Variants in VTI1A observed in about 807,000 individuals in gnomAD.
VTI1A encodes vesicle transport through interaction with t-SNAREs homolog 1A.
VTI1A carries 22 observed loss-of-function variants against 34.9 expected under a neutral mutation model. The ratio of observed to expected loss-of-function variants is 0.63; its 90% CI spans 0.45 to 0.90. VTI1A has a LOEUF of 0.90. VTI1A is among the 40% of genes least tolerant of loss of function. VTI1A has a pLI of 0.00. For synonymous variants in VTI1A, 87 were observed against 97.3 expected, an observed-to-expected ratio of 0.89 and a Z score of 0.62; for missense variants, 268 against 275.6, an observed-to-expected ratio of 0.97 and a Z score of 0.20.
the VTI1A span, among the ~76,000 whole-genome samples, chr10:112,848,608 A>T: frequency 6.6e-6 from 1 of 152,200 alleles, no homozygotes; most frequent in East Asian, 1.9e-4. Context: ...TTTTCTGTGG[A>T]TAAGGTCTCC....
intron 4 of VTI1A, among the ~76,000 whole-genome samples, chr10:112,537,311 G>GTATATATATAGATATATATATA: frequency 1.5e-5 from 1 of 65,276 alleles, no homozygotes; most frequent in South Asian, 4.8e-4. Flanking sequence ...AAGTATCTAG[G>GTATATATATAGATATATATATA]TATATATATA....
the VTI1A span, among the ~76,000 whole-genome samples, chr10:112,839,192 G>A: frequency 6.6e-6 from 1 of 152,336 alleles, no homozygotes; most frequent in South Asian, 2.1e-4. Context: ...GGTATTTCCT[G>A]AGCCCTGGCA....
intron 5 of VTI1A, among the ~76,000 whole-genome samples, chr10:112,630,735 C>T (rs906766118): frequency 6.6e-6 from 1 of 152,116 alleles, no homozygotes; most frequent in Non-Finnish European, 1.5e-5. Flanking sequence ...TCTTTTTCAG[C>T]CTGCAATCAA....
chr10:112,539,091 A>T (rs148079085), intron 5 of VTI1A, among the ~76,000 whole-genome samples: 7 of 152,322 alleles, frequency 4.6e-5, no homozygotes, highest in African/African-American at 1.4e-4. Context: ...CTTAGTAGTC[A>T]TCAGTTTCTT....
chr10:112,569,752 T>A (rs1441434423), intron 5 of VTI1A, among the ~76,000 whole-genome samples: 3 of 152,174 alleles, frequency 2.0e-5, no homozygotes, highest in Non-Finnish European at 4.4e-5. Context: ...AAAACACAGC[T>A]TCCTGGGTGC....
At chr10:112,803,551 G>A (rs974503365) in intron 7 of VTI1A, among the ~76,000 whole-genome samples, 3 of 152,220 alleles carry the variant, frequency 2.0e-5, no homozygotes, top group African/African-American at 7.2e-5. Flanking sequence ...GCCGCAGATG[G>A]CTGACCCTGG....
At chr10:112,510,147 A>G (rs1191696018) in intron 3 of VTI1A, among the ~76,000 whole-genome samples, 3 of 152,200 alleles carry the variant, frequency 2.0e-5, no homozygotes, top group Non-Finnish European at 4.4e-5. Flanking sequence ...TGTCTACCTG[A>G]AAGTGTGTAT....
chr10:112,488,595 T>C (rs1039989391), intron 3 of VTI1A, among the ~76,000 whole-genome samples: 4 of 152,230 alleles, frequency 2.6e-5, no homozygotes, highest in African/African-American at 9.6e-5. Context: ...GTATTCAGCG[T>C]TACTTCCAGT....
chr10:112,613,633 A>G (rs1845403969), intron 5 of VTI1A, among the ~76,000 whole-genome samples: 1 of 152,232 alleles, frequency 6.6e-6, no homozygotes, highest in Admixed American at 6.5e-5. Context: ...TAAGTGTCAC[A>G]TATCCTTAAC....
At chr10:112,452,471 G>A (rs1241063516) in intron 1 of VTI1A, among the ~76,000 whole-genome samples, 1 of 151,804 alleles carries the variant, frequency 6.6e-6, no homozygotes, top group African/African-American at 2.4e-5. Context: ...AGGAGGCTGA[G>A]GCAGGAGAAT....
chr10:112,820,517 G>A (rs957056739), downstream of VTI1A, among the ~76,000 whole-genome samples: 3 of 152,248 alleles, frequency 2.0e-5, no homozygotes, highest in Admixed American at 2.0e-4. Flanking sequence ...GCAGTCAGGT[G>A]GCTCTCAGCC....
intron 3 of VTI1A, among the ~76,000 whole-genome samples, chr10:112,479,340 G>A (rs1848387575): frequency 6.6e-6 from 1 of 152,070 alleles, no homozygotes; most frequent in African/African-American, 2.4e-5. Flanking sequence ...CAGAACCAAG[G>A]ACTTTCTAAC....
intron 7 of VTI1A, among the ~76,000 whole-genome samples, chr10:112,807,534 A>T (rs1180174790): frequency 6.6e-6 from 1 of 152,050 alleles, no homozygotes; most frequent in Admixed American, 6.6e-5. Flanking sequence ...GGGCCACCCT[A>T]AATCTGGAAT....
chr10:112,593,963 G>A (rs543197506), intron 5 of VTI1A, among the ~76,000 whole-genome samples: 3 of 152,014 alleles, frequency 2.0e-5, no homozygotes, highest in Non-Finnish European at 1.5e-5. Flanking sequence ...AGGCTGGAGT[G>A]CAGTGGCGCT....
At chr10:112,461,910 T>C (rs1341133443) in intron 2 of VTI1A, among the ~76,000 whole-genome samples, 1 of 152,118 alleles carries the variant, frequency 6.6e-6, no homozygotes, top group African/African-American at 2.4e-5. Flanking sequence ...GAGAGGGGGT[T>C]TTGTCATGTT....
intron 7 of VTI1A, among the ~76,000 whole-genome samples, chr10:112,693,943 T>C (rs1848694966): frequency 6.6e-6 from 1 of 152,178 alleles, no homozygotes; most frequent in African/African-American, 2.4e-5. Context: ...GCTCGGTGGC[T>C]CACCCCTGTA....
chr10:112,691,808 G>A (rs758901489), intron 7 of VTI1A, among the ~76,000 whole-genome samples: 1 of 152,156 alleles, frequency 6.6e-6, no homozygotes, highest in East Asian at 1.9e-4. Flanking sequence ...TCTAGTCAAA[G>A]TGACATGGTA....
chr10:112,819,442 T>G (rs1853610075), downstream of VTI1A, among the ~76,000 whole-genome samples: 1 of 152,032 alleles, frequency 6.6e-6, no homozygotes, highest in South Asian at 2.1e-4. Context: ...CCCCTTTGGC[T>G]GGGTGTGTTG....
intron 5 of VTI1A, among the ~76,000 whole-genome samples, chr10:112,555,513 G>C (rs1185268375): frequency 6.6e-6 from 1 of 151,934 alleles, no homozygotes; most frequent in Non-Finnish European, 1.5e-5. Context: ...CTTCATAATG[G>C]TGATTTCCTG....
Sources: allele counts gnomAD v4.1 joint callset (sites outside exome capture counted in the v4.1 genomes callset), GRCh38; gene constraint gnomAD v4.1.1; transcripts MANE v1.5; gene names NCBI Gene and HGNC (gene_info 2026-07-23, HGNC 2026-07-21).